Variants in CACNA2D3 observed in about 807,000 individuals in gnomAD.
CACNA2D3 encodes calcium voltage-gated channel auxiliary subunit alpha2delta 3.
Under a neutral mutation model 160.6 loss-of-function variants are expected in CACNA2D3, and 60 were observed. The observed-to-expected ratio is 0.37, with a 90% CI of 0.30 to 0.46. CACNA2D3 has a LOEUF of 0.46. Ranked by LOEUF, CACNA2D3 falls within the 20% of genes least tolerant of loss-of-function variation. The probability of loss-of-function intolerance (pLI) is 1.00; values close to 1 mark genes in which losing one functional copy is unlikely to be tolerated. For synonymous variants in CACNA2D3, 558 were observed against 492.9 expected (o/e 1.13, Z -1.75); for missense variants, 1,205 against 1,365.0 (o/e 0.88, Z 1.85).
intron 14 of CACNA2D3, among the ~76,000 whole-genome samples, chr3:54,835,990 A>C (rs1350208295): frequency 6.6e-6 from 1 of 152,194 alleles, no homozygotes; most frequent in Non-Finnish European, 1.5e-5. Flanking sequence ...TCACTAGTGC[A>C]GTTAGGAAAG....
At chr3:54,637,515 A>G (rs1422762158) in intron 10 of CACNA2D3, among the ~76,000 whole-genome samples, 2 of 151,916 alleles carry the variant, frequency 1.3e-5, no homozygotes, top group African/African-American at 4.9e-5. Flanking sequence ...TTTAAAGAGT[A>G]TTGTCTAAGT....
chr3:54,760,417 G>C (rs1015947105), intron 12 of CACNA2D3, among the ~76,000 whole-genome samples: 2 of 152,176 alleles, frequency 1.3e-5, no homozygotes, highest in African/African-American at 2.4e-5. Context: ...GGAGATGGCA[G>C]GGATGAGGTC....
intron 11 of CACNA2D3, among the ~76,000 whole-genome samples, chr3:54,738,619 C>T (rs1180218778): frequency 1.3e-5 from 2 of 152,192 alleles, no homozygotes; most frequent in African/African-American, 2.4e-5. Flanking sequence ...TCTTGGTTTG[C>T]ATTTCCCTGA....
intron 2 of CACNA2D3, among the ~76,000 whole-genome samples, chr3:54,305,062 A>G (rs1039931275): frequency 6.6e-6 from 1 of 152,228 alleles, no homozygotes; most frequent in Non-Finnish European, 1.5e-5. Flanking sequence ...ATAGTAACGT[A>G]GCAGCTGTGG....
intron 31 of CACNA2D3, among the ~76,000 whole-genome samples, chr3:54,992,985 T>G (rs1221952665): frequency 6.6e-6 from 1 of 152,008 alleles, no homozygotes; most frequent in African/African-American, 2.4e-5. Context: ...GGAGATGTGC[T>G]AAACACCTTA....
chr3:54,947,032 A>G (rs1701633581), intron 27 of CACNA2D3, among the ~76,000 whole-genome samples: 1 of 152,222 alleles, frequency 6.6e-6, no homozygotes, highest in South Asian at 2.1e-4. Flanking sequence ...GTCATCAATA[A>G]TCTTTTCTGG....
intron 2 of CACNA2D3, among the ~76,000 whole-genome samples, chr3:54,316,383 C>T (rs1430676556): frequency 1.3e-5 from 2 of 152,092 alleles, no homozygotes; most frequent in African/African-American, 4.8e-5. Flanking sequence ...TTCTTTCCAG[C>T]AAAGTGAAAC....
At chr3:54,990,429 G>A (rs961969360) in intron 31 of CACNA2D3, among the ~76,000 whole-genome samples, 2 of 152,162 alleles carry the variant, frequency 1.3e-5, no homozygotes, top group African/African-American at 4.8e-5. Context: ...TAATTGGGAG[G>A]CTGAGGCAGG....
intron 35 of CACNA2D3, among the ~76,000 whole-genome samples, chr3:55,051,498 C>G (rs528395063): frequency 5.7e-4 from 86 of 152,078 alleles, no homozygotes; most frequent in Middle Eastern, 6.8e-3. Flanking sequence ...AGAACCACTG[C>G]TCTCTTCAAA....
chr3:54,657,285 CAG>C (rs1203908921), intron 11 of CACNA2D3, among the ~76,000 whole-genome samples: 1 of 152,172 alleles, frequency 6.6e-6, no homozygotes, highest in African/African-American at 2.4e-5. Flanking sequence ...AGCTTGGGCT[CAG>C]AGGCCTGACA....
intron 25 of CACNA2D3, among the ~76,000 whole-genome samples, chr3:54,892,477 C>G (rs1459747833): frequency 1.3e-5 from 2 of 152,282 alleles, no homozygotes; most frequent in East Asian, 3.9e-4. Context: ...AATGACAGAT[C>G]AATCAATGTT....
At chr3:55,005,888 C>T (rs1015500196) in intron 32 of CACNA2D3, among the ~76,000 whole-genome samples, 2 of 152,124 alleles carry the variant, frequency 1.3e-5, no homozygotes, top group Non-Finnish European at 2.9e-5. Flanking sequence ...TGAAACACAA[C>T]ACTTAAAAGC....
At chr3:54,871,407 T>C in intron 17 of CACNA2D3, 132 bp from the exon 18 acceptor site, 1 of 618,230 alleles carries the variant, frequency 1.6e-6, no homozygotes, top group East Asian at 2.8e-5. Flanking sequence ...GTCACCCTGC[T>C]GGGCTTCTCA....
At chr3:54,228,532 A>G (rs778265725) in intron 2 of CACNA2D3, among the ~76,000 whole-genome samples, 1 of 152,252 alleles carries the variant, frequency 6.6e-6, no homozygotes, top group Admixed American at 6.5e-5. Context: ...GGAGGTGGCC[A>G]TGGTCTAGCA....
At chr3:54,742,026 T>C (rs1370397175) in intron 11 of CACNA2D3, among the ~76,000 whole-genome samples, 1 of 151,952 alleles carries the variant, frequency 6.6e-6, no homozygotes, top group Admixed American at 6.6e-5. Flanking sequence ...ACCACCACAC[T>C]TGGCTAATTT....
intron 4 of CACNA2D3, among the ~76,000 whole-genome samples, chr3:54,412,328 G>A (rs1699679988): frequency 6.6e-6 from 1 of 151,848 alleles, no homozygotes; most frequent in South Asian, 2.1e-4. Flanking sequence ...CCTTTAACCT[G>A]TGGTATTAAA....
At chr3:55,040,086 C>T (rs1703924488) in intron 35 of CACNA2D3, among the ~76,000 whole-genome samples, 1 of 152,122 alleles carries the variant, frequency 6.6e-6, no homozygotes, top group Admixed American at 6.6e-5. Context: ...TAACGGCTCT[C>T]TTCTTTAGTT....
intron 11 of CACNA2D3, among the ~76,000 whole-genome samples, chr3:54,741,757 A>G (rs1281034402): frequency 6.6e-6 from 1 of 152,142 alleles, no homozygotes; most frequent in Non-Finnish European, 1.5e-5. Flanking sequence ...TGCCTTAATT[A>G]CCATACTTTA....
intron 5 of CACNA2D3, among the ~76,000 whole-genome samples, chr3:54,562,129 A>G (rs1213604514): frequency 2.6e-5 from 4 of 152,294 alleles, no homozygotes; most frequent in Middle Eastern, 3.4e-3. Flanking sequence ...GGGTGGGGAC[A>G]TAGCCAAATC....
Sources: gnomAD v4.1 joint callset for allele counts (sites outside exome capture counted in the v4.1 genomes callset) on GRCh38, gnomAD v4.1.1 for gene constraint, MANE v1.5 for transcripts, NCBI Gene and HGNC (gene_info 2026-07-23, HGNC 2026-07-21) for gene names.